Variants in CWH43 observed in about 807,000 individuals in gnomAD.
The protein encoded by CWH43 is PGAP2-interacting protein.
In CWH43, 91 loss-of-function variants were observed where a neutral mutation model predicts 85.7. That is an observed-to-expected ratio of 1.06 (90% CI 0.90 to 1.26). The LOEUF is 1.26. Among genes scored for constraint, CWH43 ranks in the 50% most tolerant of loss-of-function variants. The pLI is 0.00. For synonymous variants in CWH43, 323 were observed against 293.6 expected (o/e 1.10, Z -1.02); for missense variants, 869 against 839.2 (o/e 1.04, Z -0.44).
At chr4:49,044,180 CT>C (rs1560511977) in intron 13 of CWH43, among the ~76,000 whole-genome samples, 2 of 152,112 alleles carry the variant, frequency 1.3e-5, no homozygotes, top group Non-Finnish European at 2.9e-5. Context: ...TTTCTGTTCT[CT>C]TTCTTTGATG....
chr4:49,021,008 C>T (rs570609659), intron 9 of CWH43, among the ~76,000 whole-genome samples: 1 of 152,088 alleles, frequency 6.6e-6, no homozygotes, highest in South Asian at 2.1e-4. Flanking sequence ...TGTGAGTTGT[C>T]TGTTTAGTCT....
chr4:49,047,277 G>A (rs554669677), intron 14 of CWH43, among the ~76,000 whole-genome samples: 2 of 152,280 alleles, frequency 1.3e-5, no homozygotes, highest in South Asian at 4.2e-4. Flanking sequence ...GACTCCATTT[G>A]CCATTCAACA....
intron 2 of CWH43, among the ~76,000 whole-genome samples, chr4:48,989,106 G>A (rs1012597734): frequency 6.6e-6 from 1 of 152,152 alleles, no homozygotes; most frequent in African/African-American, 2.4e-5. Flanking sequence ...TTCAGCCAAA[G>A]GGCTAATTTC....
In CWH43 at chr4:48,991,794, A is replaced by G. The variant is rs1330368488; in HGVS notation, c.357-142A>G. 7.1e-5 allele frequency: 61 copies of G among 861,116 alleles called. 1 individual carries two copies. In the Admixed American group the frequency reaches 1.3e-3, roughly 19 times the overall value. The allele number at this position is 861,116 out of a possible 1,614,324, so 53.3% of individuals were successfully genotyped here. On this transcript the variant is annotated intron_variant, in intron 3 of 15. Transcript: ENST00000226432. ...ATTATAGCAAGTTGCTGAAGTTGCT[A>G]TATAGAGGCTAAATCACATTCATTA...
chr4:49,011,687 A>G (rs1783365790), intron 8 of CWH43, among the ~76,000 whole-genome samples: 1 of 152,060 alleles, frequency 6.6e-6, no homozygotes, highest in South Asian at 2.1e-4. Context: ...GTGGTGGCAA[A>G]ATCTCTCAGC....
chr4:49,008,590 G>A (rs754357931), intron 8 of CWH43, among the ~76,000 whole-genome samples: 13 of 152,106 alleles, frequency 8.5e-5, no homozygotes, highest in Non-Finnish European at 1.6e-4. Flanking sequence ...TTTTCTTCTA[G>A]CGCTTTTATG....
intron 15 of CWH43, among the ~76,000 whole-genome samples, chr4:49,061,509 G>T (rs1381272068): frequency 6.6e-6 from 1 of 152,100 alleles, no homozygotes; most frequent in Admixed American, 6.6e-5. Context: ...AGCATTTCAG[G>T]CTTAATGGCC....
At chr4:49,029,676 G>A (rs543140533) in intron 10 of CWH43, among the ~76,000 whole-genome samples, 9 of 152,306 alleles carry the variant, frequency 5.9e-5, no homozygotes, top group East Asian at 3.9e-4. Context: ...GGAGAAAACC[G>A]CCCTGTGGCT....
intron 14 of CWH43, among the ~76,000 whole-genome samples, chr4:49,049,404 G>T (rs1487241364): frequency 6.6e-6 from 1 of 151,996 alleles, no homozygotes; most frequent in Non-Finnish European, 1.5e-5. Flanking sequence ...CTAAGTTATT[G>T]CAGTGGCCTC....
chr4:49,022,669 G>C (rs912389697), intron 9 of CWH43, among the ~76,000 whole-genome samples: 6 of 152,070 alleles, frequency 3.9e-5, no homozygotes, highest in Admixed American at 2.6e-4. Context: ...CTGTGAATCT[G>C]TCTGTTCCTG....
rs376724058 is a variant in CWH43, at chr4:49,004,011, T to A, written c.1060+19T>A. 3.1e-6 allele frequency: 5 copies of A among 1,591,610 alleles called. No homozygotes were observed. The highest frequency in any genetic ancestry group is 4.3e-6 in the Non-Finnish European group (5 of 1,172,346). On this transcript the variant is annotated intron_variant, in intron 7 of 15. Transcript: ENST00000226432. ...CTTTTGGGTGAGTACATTTGAAAGG[T>A]CTGGATTAAAATAATTGCTCAAAAA...
At chr4:49,056,804 T>C (rs935279165) in intron 15 of CWH43, among the ~76,000 whole-genome samples, 4 of 152,180 alleles carry the variant, frequency 2.6e-5, no homozygotes, top group Non-Finnish European at 5.9e-5. Context: ...AATTCCCTTT[T>C]AAAACCGTGT....
intron 2 of CWH43, among the ~76,000 whole-genome samples, chr4:48,990,430 G>A (rs138713427): frequency 2.6e-5 from 4 of 152,050 alleles, no homozygotes; most frequent in Non-Finnish European, 5.9e-5. Flanking sequence ...ACTTCTTAAG[G>A]ACATGAAACA....
At chr4:49,028,598 A>G in intron 9 of CWH43, 31 bp from the exon 10 acceptor site, 1 of 1,525,010 alleles carries the variant, frequency 6.6e-7, no homozygotes. Flanking sequence ...GTTCACAGTC[A>G]TCCTAAACTA....
chr4:49,015,898 T>C (rs1211838633), intron 8 of CWH43, among the ~76,000 whole-genome samples: 8 of 152,216 alleles, frequency 5.3e-5, no homozygotes, highest in Admixed American at 5.2e-4. Context: ...TCATGTTCCC[T>C]AGTCATACTT....
chr4:49,024,728 C>A (rs1359742882), intron 9 of CWH43, among the ~76,000 whole-genome samples: 1 of 152,102 alleles, frequency 6.6e-6, no homozygotes, highest in African/African-American at 2.4e-5. Flanking sequence ...TGCTGTTAAT[C>A]TGATAGGTTT....
At chr4:49,019,344 G>A (rs887728602) in intron 9 of CWH43, among the ~76,000 whole-genome samples, 5 of 152,036 alleles carry the variant, frequency 3.3e-5, no homozygotes, top group African/African-American at 4.8e-5. Flanking sequence ...AAGTTGTGAG[G>A]CCTGGGATGT....
intron 9 of CWH43, among the ~76,000 whole-genome samples, chr4:49,019,201 G>T (rs1233037659): frequency 2.0e-5 from 3 of 152,166 alleles, no homozygotes; most frequent in Admixed American, 6.5e-5. Flanking sequence ...AACAAATAAA[G>T]AAATGGTCTC....
At chr4:49,041,493 T>C (rs1227284693) in intron 13 of CWH43, among the ~76,000 whole-genome samples, 3 of 152,218 alleles carry the variant, frequency 2.0e-5, no homozygotes, top group African/African-American at 7.2e-5. Context: ...AGTATTTTAT[T>C]CTCTTTGAAG....
Sources: allele counts gnomAD v4.1 joint callset (sites outside exome capture counted in the v4.1 genomes callset), GRCh38; gene constraint gnomAD v4.1.1; transcripts MANE v1.5; gene names NCBI Gene and HGNC (gene_info 2026-07-23, HGNC 2026-07-21).